Variants in ENDOD1 observed in about 807,000 individuals in gnomAD.
ENDOD1 encodes the protein endonuclease domain-containing 1 protein.
Under a neutral mutation model 6.5 loss-of-function variants are expected in ENDOD1, and 9 were observed. The observed-to-expected ratio is 1.39, with a 90% CI of 0.84 to 2.43. The LOEUF is 2.43. Among genes scored for constraint, ENDOD1 ranks in the 30% most tolerant of loss-of-function variants. The pLI is 0.00. For synonymous variants in ENDOD1, 255 were observed against 255.2 expected, an observed-to-expected ratio of 1.00 and a Z score of 0.01; for missense variants, 648 against 635.5, an observed-to-expected ratio of 1.02 and a Z score of -0.21.
chr11:95,100,245 A>C (rs1859025115), intron 1 of ENDOD1, among the ~76,000 whole-genome samples: 1 of 152,138 alleles, frequency 6.6e-6, no homozygotes, highest in Non-Finnish European at 1.5e-5. Flanking sequence ...AAGTCTCTGC[A>C]AGACAGCTTC....
chr11:95,113,914 G>A (rs1230906754), intron 1 of ENDOD1, among the ~76,000 whole-genome samples: 1 of 151,944 alleles, frequency 6.6e-6, no homozygotes, highest in African/African-American at 2.4e-5. Context: ...CTTTTTTTCT[G>A]CATCTTTACC....
chr11:95,128,273 T>A (rs1859330782), intron 1 of ENDOD1, 104 bp from the exon 2 acceptor site: 1 of 1,355,270 alleles, frequency 7.4e-7, no homozygotes, highest in Non-Finnish European at 1.0e-6. Flanking sequence ...GCGTTTGAAG[T>A]AATAGACCAG....
At position 95,114,304 on chromosome 11, in the gene ENDOD1, T is replaced by TATAGG. The variant is rs1555112266; in HGVS notation, c.301-14073_301-14072insATAGG. On this transcript the variant is annotated intron_variant, in intron 1 of 1. Transcript: ENST00000278505. ...GCTAATTTTTTGTAGAGACGGGGTT[T>TATAGG]CACTATGTCGCCCAGGCTGATTGCC... Among the ~76,000 whole-genome samples, 816 of 151,932 alleles carry TATAGG rather than the reference T, an allele frequency of 5.4e-3. 12 individuals carry two copies. The highest frequency in any genetic ancestry group is 0.019 in the African/African-American group (782 of 41,234).
At chr11:95,125,974 G>A (rs190090878) in intron 1 of ENDOD1, among the ~76,000 whole-genome samples, 31 of 152,212 alleles carry the variant, frequency 2.0e-4, no homozygotes, top group Admixed American at 1.9e-3. Flanking sequence ...TGGGATGGCT[G>A]GGTCAAATGG....
At chr11:95,104,281 T>C (rs1859068779) in intron 1 of ENDOD1, among the ~76,000 whole-genome samples, 1 of 152,036 alleles carries the variant, frequency 6.6e-6, no homozygotes, top group Admixed American at 6.6e-5. Context: ...ACCCCGTCTC[T>C]ACTAAAAATA....
chr11:95,122,371 T>C (rs1859269528), intron 1 of ENDOD1, among the ~76,000 whole-genome samples: 1 of 151,096 alleles, frequency 6.6e-6, no homozygotes, highest in Admixed American at 6.6e-5. Flanking sequence ...TACAGGCACA[T>C]GCCACCATGC....
intron 1 of ENDOD1, among the ~76,000 whole-genome samples, chr11:95,104,001 C>T (rs977165081): frequency 3.9e-5 from 6 of 152,188 alleles, no homozygotes; most frequent in Admixed American, 3.9e-4. Context: ...CCACCTTGCT[C>T]GTGACTGCCC....
intron 1 of ENDOD1, among the ~76,000 whole-genome samples, chr11:95,117,734 A>T (rs1344550551): frequency 6.6e-6 from 1 of 152,046 alleles, no homozygotes. Context: ...GTGTCTTTTG[A>T]TTGGAGAGTT....
At position 95,101,793 on chromosome 11, in the gene ENDOD1, A is replaced by C. The variant is rs184877302; in HGVS notation, c.300+11566A>C. Among the ~76,000 whole-genome samples the C allele has an allele frequency of 3.6e-3, 541 of 152,346 alleles. 2 individuals carry two copies. Among genetic ancestry groups the C allele is most frequent in the Admixed American group, 7.0e-3 (107 of 15,312 alleles). ...AACAACCACCATACCAATGGAGAAG[A>C]GTGTAGGGACCCCTTTAGTAGGTGA... On this transcript the variant is annotated intron_variant, in intron 1 of 1. Coordinates refer to ENST00000278505, the MANE Select transcript of ENDOD1 (RefSeq NM_015036.3).
Position 95,090,100 on chromosome 11 carries a change from G to A in ENDOD1, c.173G>A (p.Arg58His), listed in dbSNP as rs1858912420. 6.3e-7 allele frequency: 1 copy of A among 1,594,328 alleles called. No individual in the cohort carries two copies. Among genetic ancestry groups the A allele is most frequent in the Admixed American group, 1.7e-5 (1 of 58,426 alleles). The change falls in exon 1 of 2, where the codon CGC (arginine) becomes CAC (histidine). Residue 58 changes from arginine (R) to histidine (H), a missense_variant. Physicochemically the swap from Arg to His is conservative, Grantham distance 29. Coordinates refer to ENST00000278505, the MANE Select transcript of ENDOD1 (RefSeq NM_015036.3). ...AADSHVKICQ[R>H]AEGAERFATL... is the part of the protein sequence containing the mutation. ...GATTCCCACGTGAAGATCTGTCAGCGCGCGGAGGGTGCTGAGCGCTTCGCC... is the reference window on the plus strand; with the variant it reads ...GATTCCCACGTGAAGATCTGTCAGCACGCGGAGGGTGCTGAGCGCTTCGCC...
At chr11:95,123,821 G>A (rs1245074549) in intron 1 of ENDOD1, among the ~76,000 whole-genome samples, 1 of 152,088 alleles carries the variant, frequency 6.6e-6, no homozygotes, top group African/African-American at 2.4e-5. Context: ...TTCCATATTT[G>A]CTCTTCTTTC....
chr11:95,089,868 T>C lies in ENDOD1; in HGVS notation c.-60T>C. ...TGCGTAGTGCGCTCCCCGCCCAGCC[T>C]GCAGAGCTCGCGCCGCGGCAGCCCA... On this transcript the variant is annotated 5_prime_UTR_variant, in exon 1 of 2. Coordinates refer to ENST00000278505, the MANE Select transcript of ENDOD1 (RefSeq NM_015036.3). The C allele has an allele frequency of 7.8e-7, 1 of 1,282,106 alleles. No homozygotes were observed. The highest frequency in any genetic ancestry group is 9.9e-7 in the Non-Finnish European group (1 of 1,012,766). The allele number at this position is 1,282,106 out of a possible 1,614,324, so 79.4% of individuals were successfully genotyped here.
At chr11:95,095,370 A>T (rs1858974100) in intron 1 of ENDOD1, among the ~76,000 whole-genome samples, 1 of 3,342 alleles carries the variant, frequency 3.0e-4, no homozygotes, top group Admixed American at 3.8e-3. Flanking sequence ...ATGGCATTCC[A>T]GTCTATTGTG....
At chr11:95,105,736 C>T (rs1859083236) in intron 1 of ENDOD1, among the ~76,000 whole-genome samples, 1 of 152,214 alleles carries the variant, frequency 6.6e-6, no homozygotes, top group Non-Finnish European at 1.5e-5. Flanking sequence ...CATGTCCCTG[C>T]AAAGGACAAG....
At chr11:95,096,582 A>G (rs1858987623) in intron 1 of ENDOD1, among the ~76,000 whole-genome samples, 1 of 152,196 alleles carries the variant, frequency 6.6e-6, no homozygotes, top group South Asian at 2.1e-4. Flanking sequence ...AGATGGCTGA[A>G]ATATTATTTG....
chr11:95,131,744 T>A lies in ENDOD1; in HGVS notation c.*2165T>A, dbSNP rs932505884. 2.0e-5 allele frequency: 3 copies of A among 152,212 alleles called. No homozygotes were observed. Among genetic ancestry groups the A allele is most frequent in the African/African-American group, 7.2e-5 (3 of 41,438 alleles). The allele number at this position is 152,212 out of a possible 1,614,324, so 9.4% of individuals were successfully genotyped here. A position where few individuals can be genotyped will look rare whatever the true frequency, so the allele number is the denominator to read the frequency against. On this transcript the variant is annotated 3_prime_UTR_variant, in exon 2 of 2. Coordinates refer to ENST00000278505, the MANE Select transcript of ENDOD1 (RefSeq NM_015036.3). ...TAGCACATATTTGCATACTGAAAGG[T>A]CCGAAAAGGGCATCCACGGCAGCTT...
chr11:95,094,483 T>G (rs1242198492), intron 1 of ENDOD1, among the ~76,000 whole-genome samples: 1 of 152,228 alleles, frequency 6.6e-6, no homozygotes, highest in East Asian at 1.9e-4. Flanking sequence ...CTTACTTGGC[T>G]GCATAAAGGT....
intron 1 of ENDOD1, among the ~76,000 whole-genome samples, chr11:95,108,535 A>ACAC (rs1325896470): frequency 1.0e-4 from 15 of 148,230 alleles, no homozygotes; most frequent in Non-Finnish European, 1.8e-4. Context: ...ACAGACACCC[A>ACAC]AAAAAAGAAA....
rs1555109608 is a variant in ENDOD1 at position 95,089,935 on chromosome 11, C to CCGCGCGCTGG, written c.10_19dup (p.Leu7ArgfsTer32). ...GCGCTCGCAGAGGCCGCCATGGGCA[C>CCGCGCGCTGG]CGCGCGCTGGCTCGCGCTGGGCAGC... On this transcript the variant is annotated frameshift_variant, in exon 1 of 2. Coordinates refer to ENST00000278505, the MANE Select transcript of ENDOD1 (RefSeq NM_015036.3). LOFTEE classifies it high-confidence loss of function. 7.0e-7 allele frequency: 1 copy of CCGCGCGCTGG among 1,433,524 alleles called. No homozygotes were observed. The highest frequency in any genetic ancestry group is 1.4e-5 in the South Asian group (1 of 69,362). The allele number at this position is 1,433,524 out of a possible 1,614,324, so 88.8% of individuals were successfully genotyped here.
Sources: allele counts gnomAD v4.1 joint callset (sites outside exome capture counted in the v4.1 genomes callset), GRCh38; gene constraint gnomAD v4.1.1; transcripts MANE v1.5; gene names NCBI Gene and HGNC (gene_info 2026-07-23, HGNC 2026-07-21).